Variants in PREP observed in about 807,000 individuals in gnomAD.
The protein encoded by PREP is dJ355L5.1 (prolyl endopeptidase).
A neutral mutation model predicts 87.6 loss-of-function variants in PREP; 29 were observed. The ratio of observed to expected loss-of-function variants is 0.33; its 90% CI spans 0.25 to 0.45. The LOEUF (loss-of-function observed/expected upper bound fraction) is 0.45, where lower values mean the gene tolerates loss of function less well. Ranked by LOEUF, PREP falls within the 20% of genes least tolerant of loss-of-function variation. The probability of loss-of-function intolerance (pLI) is 1.00; values close to 1 mark genes in which losing one functional copy is unlikely to be tolerated. For synonymous variants in PREP, 337 were observed against 328.6 expected (o/e 1.03, Z -0.28); for missense variants, 695 against 886.5 (o/e 0.78, Z 2.74).
At chr6:105,304,950 T>C (rs529862477) in intron 10 of PREP, among the ~76,000 whole-genome samples, 21 of 152,352 alleles carry the variant, frequency 1.4e-4, no homozygotes, top group African/African-American at 4.8e-4. Context: ...GCTGTTAATC[T>C]ATTAATTTGG....
intron 10 of PREP, among the ~76,000 whole-genome samples, chr6:105,309,377 CAA>C (rs1307409466): frequency 6.6e-6 from 1 of 152,094 alleles, no homozygotes; most frequent in African/African-American, 2.4e-5. Context: ...GACACCAACA[CAA>C]ACTCTCAATA....
chr6:105,287,747 G>C (rs979581082), intron 11 of PREP, among the ~76,000 whole-genome samples: 1 of 152,172 alleles, frequency 6.6e-6, no homozygotes, highest in African/African-American at 2.4e-5. Context: ...TTCATATGGG[G>C]TTCTATTTAG....
At chr6:105,392,729 G>A (rs1773187210) in intron 2 of PREP, among the ~76,000 whole-genome samples, 2 of 152,134 alleles carry the variant, frequency 1.3e-5, no homozygotes, top group Non-Finnish European at 1.5e-5. Flanking sequence ...GGCATGTGCC[G>A]CCATGCACGG....
intron 6 of PREP, among the ~76,000 whole-genome samples, chr6:105,365,797 C>A: frequency 6.6e-6 from 1 of 152,010 alleles, no homozygotes; most frequent in East Asian, 1.9e-4. Context: ...TTCTTACAGA[C>A]TTCCTCTGCG....
At chr6:105,281,981 T>G (rs1770092048) in intron 13 of PREP, 79 bp from the exon 14 acceptor site, 2 of 1,505,536 alleles carry the variant, frequency 1.3e-6, no homozygotes, top group Non-Finnish European at 1.8e-6. Context: ...CAATACTTAC[T>G]TACATGCTTC....
intron 7 of PREP, among the ~76,000 whole-genome samples, chr6:105,338,460 C>T (rs934096386): frequency 2.0e-5 from 3 of 152,232 alleles, no homozygotes; most frequent in South Asian, 2.1e-4. Context: ...CTCCAATCTA[C>T]AGCTCCCAGT....
intron 6 of PREP, among the ~76,000 whole-genome samples, chr6:105,368,297 C>T (rs1772446852): frequency 6.6e-6 from 1 of 152,140 alleles, no homozygotes; most frequent in Non-Finnish European, 1.5e-5. Flanking sequence ...AATTTTACTC[C>T]AAGTACCCCT....
intron 10 of PREP, among the ~76,000 whole-genome samples, chr6:105,293,557 TGACA>T (rs1770344456): frequency 6.7e-6 from 1 of 150,212 alleles, no homozygotes; most frequent in Non-Finnish European, 1.5e-5. Context: ...AAAATGGCAC[TGACA>T]GACTTGCTTG....
rs558555230 is a variant in PREP, at chr6:105,397,049, G to A, written c.120+804C>T. On this transcript the variant is annotated intron_variant, in intron 2 of 14. Coordinates refer to ENST00000652536, the MANE Select transcript of PREP (RefSeq NM_002726.5). Reference sequence around the variant, plus strand: ...AAAATACAAAAACTAGCCGGGTGTGGTGGCACATGCCTGTAATCCCAGCTA... The same window carrying A: ...AAAATACAAAAACTAGCCGGGTGTGATGGCACATGCCTGTAATCCCAGCTA... 2.7e-4 allele frequency among the ~76,000 whole-genome samples: 41 copies of A among 152,128 alleles called. No individual in the cohort carries two copies. The East Asian group carries it at 7.7e-3, about 29-fold the overall frequency.
Position 105,278,244 on chromosome 6 carries a change from G to T in PREP, c.2033C>A (p.Ala678Glu). 1 of 1,614,192 alleles carries T rather than the reference G, an allele frequency of 6.2e-7. No individual in the cohort carries two copies. The highest frequency in any genetic ancestry group is 8.5e-7 in the Non-Finnish European group (1 of 1,180,030). The change falls in exon 15 of 15, where the codon GCG becomes GAG. Residue 678 changes from alanine to glutamate, a missense_variant. Ala to Glu is a moderately radical substitution (Grantham distance 107, BLOSUM62 -1). Transcript: ENST00000652536. The surrounding 1 kb of genome is among the most constrained non-coding windows in gnomAD (Gnocchi z 4.2). ...NPLLIHVDTK[A>E]GHGAGKPTAK... is the part of the protein sequence containing the mutation. ...TGTGGGCTTCCCCGCCCCGTGGCCC[G>T]CCTTGGTGTCCACGTGGATAAGCAG...
chr6:105,308,523 A>C (rs1007388768), intron 10 of PREP, among the ~76,000 whole-genome samples: 5 of 152,204 alleles, frequency 3.3e-5, no homozygotes, highest in Non-Finnish European at 7.3e-5. Context: ...AATAACTCTT[A>C]AAGGCTAGAT....
intron 7 of PREP, among the ~76,000 whole-genome samples, chr6:105,342,136 T>G (rs1771672264): frequency 6.6e-6 from 1 of 152,194 alleles, no homozygotes; most frequent in African/African-American, 2.4e-5. Flanking sequence ...AAATCCTCAA[T>G]GAAATACTGG....
At chr6:105,296,801 T>A (rs1770421191) in intron 10 of PREP, among the ~76,000 whole-genome samples, 2 of 152,340 alleles carry the variant, frequency 1.3e-5, no homozygotes, top group South Asian at 4.1e-4. Flanking sequence ...ATTGATCCAT[T>A]ATTGCCTCCT....
rs1206381529 is a variant in PREP, at chr6:105,353,058, T to C, written c.737A>G (p.Tyr246Cys). The change falls in exon 7 of 15, where the codon TAT becomes TGT. Residue 246 changes from tyrosine (Y) to cysteine (C), a missense_variant. Coordinates refer to ENST00000652536, the MANE Select transcript of PREP (RefSeq NM_002726.5). ...TCCTTCCCTTATTGATAACAAGACA[T>C]AGCGGCCATCATCAGATAACTAAAA... ...GGAELSDDGR[Y>C]VLLSIREGCD... is the part of the protein sequence containing the mutation. The C allele has an allele frequency of 1.2e-6, 2 of 1,613,540 alleles. No homozygotes were observed. The highest frequency in any genetic ancestry group is 1.1e-5 in the South Asian group (1 of 91,034).
At chr6:105,282,707 C>CCTG in intron 12 of PREP, 125 bp from the exon 13 acceptor site, 1 of 1,095,046 alleles carries the variant, frequency 9.1e-7, no homozygotes, top group Non-Finnish European at 1.3e-6. Flanking sequence ...TGGGTTAACA[C>CCTG]TGCATTTAAA....
chr6:105,377,523 T>G lies in PREP; in HGVS notation c.121-4A>C, dbSNP rs1335616508. On this transcript the variant is annotated splice_region_variant and splice_polypyrimidine_tract_variant and intron_variant, in intron 2 of 14. Transcript: ENST00000652536. Reference sequence around the variant, plus strand: ...TATTCTGGGCCTCCACAAAGGCCTGTGGAGAAATTAAAATGGACAAAGCAA... The same window carrying G: ...TATTCTGGGCCTCCACAAAGGCCTGGGGAGAAATTAAAATGGACAAAGCAA... 1.9e-6 allele frequency: 3 copies of G among 1,610,656 alleles called. No individual in the cohort carries two copies. The highest frequency in any genetic ancestry group is 1.7e-6 in the Non-Finnish European group (2 of 1,179,230).
chr6:105,402,158 TC>T (rs1773448000), intron 1 of PREP, among the ~76,000 whole-genome samples: 2 of 152,058 alleles, frequency 1.3e-5, no homozygotes, highest in Admixed American at 1.3e-4. Context: ...CCCTCTCCCT[TC>T]TAAGACCTCC....
intron 3 of PREP, among the ~76,000 whole-genome samples, chr6:105,377,026 C>T (rs1011874219): frequency 6.6e-6 from 1 of 152,144 alleles, no homozygotes; most frequent in Non-Finnish European, 1.5e-5. Context: ...AGAAGAAAAA[C>T]ACAGAATTAA....
chr6:105,289,794 A>G (rs191551694), intron 10 of PREP, among the ~76,000 whole-genome samples: 31 of 152,318 alleles, frequency 2.0e-4, no homozygotes, highest in African/African-American at 6.7e-4. Context: ...AAAGTGCTCC[A>G]GTTTGGAATC....
Sources: gnomAD v4.1 joint callset for allele counts (sites outside exome capture counted in the v4.1 genomes callset) on GRCh38, gnomAD v4.1.1 for gene constraint, Gnocchi (gnomAD v3.1) non-coding constraint, MANE v1.5 for transcripts, NCBI Gene and HGNC (gene_info 2026-07-23, HGNC 2026-07-21) for gene names.